Variants in CSMD1 observed in about 807,000 individuals in gnomAD.
CSMD1 encodes CUB and Sushi multiple domains 1.
A neutral mutation model predicts 417.5 loss-of-function variants in CSMD1; 213 were observed. That is an observed-to-expected ratio of 0.51 (90% confidence interval 0.46 to 0.57). The LOEUF (loss-of-function observed/expected upper bound fraction) is 0.57, where lower values mean the gene tolerates loss of function less well. CSMD1 is among the 20% of genes least tolerant of loss of function. CSMD1 has a pLI of 0.00. For synonymous variants in CSMD1, 2,862 were observed against 1,736.8 expected (o/e 1.65, Z -16.11); for missense variants, 6,923 against 4,529.7 (o/e 1.53, Z -15.17).
intron 3 of CSMD1, among the ~76,000 whole-genome samples, chr8:4,170,169 G>C (rs947661442): frequency 1.3e-5 from 2 of 151,794 alleles, no homozygotes; most frequent in Admixed American, 6.6e-5. Context: ...GTTGATAAGA[G>C]TGAAGGACCT....
At chr8:4,212,911 C>T (rs1164886370) in intron 3 of CSMD1, among the ~76,000 whole-genome samples, 2 of 152,152 alleles carry the variant, frequency 1.3e-5, no homozygotes, top group African/African-American at 2.4e-5. Flanking sequence ...GGAAAGAAGA[C>T]ACTTCTTCTC....
At chr8:3,046,845 G>A (rs564762897) in intron 50 of CSMD1, among the ~76,000 whole-genome samples, 1 of 152,286 alleles carries the variant, frequency 6.6e-6, no homozygotes, top group South Asian at 2.1e-4. Context: ...ACTAAGATAA[G>A]GAACATAATA....
intron 54 of CSMD1, among the ~76,000 whole-genome samples, chr8:2,983,808 T>C (rs2128941568): frequency 6.6e-6 from 1 of 152,320 alleles, no homozygotes; most frequent in East Asian, 1.9e-4. Flanking sequence ...TTATGTGTGT[T>C]GATTTTGAAA....
intron 2 of CSMD1, among the ~76,000 whole-genome samples, chr8:4,532,349 A>G (rs1007151210): frequency 2.6e-5 from 4 of 151,326 alleles, no homozygotes; most frequent in Non-Finnish European, 4.4e-5. Context: ...TCTGAAAGAG[A>G]AATCCTGCAC....
intron 5 of CSMD1, among the ~76,000 whole-genome samples, chr8:3,975,115 C>G (rs905620085): frequency 1.3e-5 from 2 of 152,114 alleles, no homozygotes; most frequent in East Asian, 1.9e-4. Context: ...AACTTGAAAA[C>G]CACTATGCAT....
intron 3 of CSMD1, among the ~76,000 whole-genome samples, chr8:4,293,307 G>C (rs1223758908): frequency 6.6e-6 from 1 of 152,128 alleles, no homozygotes; most frequent in Non-Finnish European, 1.5e-5. Context: ...CCAGCACAAT[G>C]AGAAACTGAC....
intron 10 of CSMD1, among the ~76,000 whole-genome samples, chr8:3,534,442 C>G (rs939620111): frequency 1.3e-5 from 2 of 149,566 alleles, no homozygotes; most frequent in African/African-American, 2.5e-5. Context: ...AAGTGCCTAT[C>G]AGCATGTGAG....
intron 5 of CSMD1, among the ~76,000 whole-genome samples, chr8:3,920,193 C>G (rs917036922): frequency 1.5e-4 from 23 of 152,044 alleles, no homozygotes; most frequent in African/African-American, 4.1e-4. Flanking sequence ...GCCAGCATAT[C>G]TGGCTAACTT....
chr8:3,972,166 G>C (rs1226969701), intron 5 of CSMD1, among the ~76,000 whole-genome samples: 1 of 152,006 alleles, frequency 6.6e-6, no homozygotes, highest in Non-Finnish European at 1.5e-5. Flanking sequence ...CCCTGTGCCT[G>C]GCCCTTCTAA....
At chr8:4,741,456 A>T (rs1244071840) in intron 1 of CSMD1, among the ~76,000 whole-genome samples, 1 of 152,220 alleles carries the variant, frequency 6.6e-6, no homozygotes, top group Non-Finnish European at 1.5e-5. Flanking sequence ...TGAAATATGT[A>T]ATATTTATGT....
At chr8:3,294,042 ACAGT>A (rs1803777031) in intron 25 of CSMD1, among the ~76,000 whole-genome samples, 1 of 152,154 alleles carries the variant, frequency 6.6e-6, no homozygotes, top group South Asian at 2.1e-4. Context: ...TTTCCTTCTA[ACAGT>A]CAGGACCCTC....
At position 4,532,804 on chromosome 8, in the gene CSMD1, G is replaced by A. The variant is rs62479748; in HGVS notation, c.302+104538C>T. Among the ~76,000 whole-genome samples the A allele has an allele frequency of 4.6e-5, 6 of 130,068 alleles. 1 individual carries two copies. Among genetic ancestry groups the A allele is most frequent in the Non-Finnish European group, 7.8e-5 (5 of 63,786 alleles). The allele number at this position is 130,068 out of a possible 152,430, so 85.3% of individuals were successfully genotyped here. A position where few individuals can be genotyped will look rare whatever the true frequency, so the allele number is the denominator to read the frequency against. On this transcript the variant is annotated intron_variant, in intron 2 of 69. Transcript: ENST00000635120. ...TCGTGCACCCCCAATCAGTCACTCC[G>A]GAAGAGAAATCCTGCACCCGCATTC...
At chr8:3,580,839 A>G (rs1800351935) in intron 9 of CSMD1, among the ~76,000 whole-genome samples, 1 of 152,220 alleles carries the variant, frequency 6.6e-6, no homozygotes, top group Non-Finnish European at 1.5e-5. Context: ...ACTCTTTAAA[A>G]GGTCATTTCT....
chr8:4,094,327 G>A (rs943312447), intron 3 of CSMD1, among the ~76,000 whole-genome samples: 1 of 152,134 alleles, frequency 6.6e-6, no homozygotes, highest in East Asian at 1.9e-4. Context: ...TAGGAACCCA[G>A]GCCAGAGGTG....
chr8:4,502,576 G>A (rs1184466567), intron 2 of CSMD1, among the ~76,000 whole-genome samples: 1 of 152,086 alleles, frequency 6.6e-6, no homozygotes, highest in Non-Finnish European at 1.5e-5. Flanking sequence ...CAAAAAACTT[G>A]TTTAACCATT....
intron 10 of CSMD1, among the ~76,000 whole-genome samples, chr8:3,525,608 C>A (rs764260510): frequency 1.3e-5 from 2 of 152,116 alleles, no homozygotes; most frequent in Non-Finnish European, 2.9e-5. Flanking sequence ...AGGAGGGCAT[C>A]GTATCTTCAA....
intron 2 of CSMD1, among the ~76,000 whole-genome samples, chr8:4,608,298 G>A (rs1800989859): frequency 6.6e-6 from 1 of 152,202 alleles, no homozygotes. Context: ...AGGCCCAAGG[G>A]CAAAGTGGGG....
At position 3,574,951 on chromosome 8, in the gene CSMD1, C is replaced by T. The variant is rs367932189; in HGVS notation, c.1338G>A (p.Pro446=). 2.7e-5 allele frequency: 43 copies of T among 1,611,976 alleles called. No homozygotes were observed. In the East Asian group the frequency reaches 5.6e-4, roughly 21 times the overall value. Residue 446 remains proline (P), a synonymous_variant, in exon 10 of 70, where the codon CCG becomes CCA. Coordinates refer to ENST00000635120, the MANE Select transcript of CSMD1 (RefSeq NM_033225.6). ...GTTGGAGGCGGAGCCTTACCTTGTC[C>T]GGGTCGGTGGTGGTGATGACCCACA... is the stretch of plus-strand genomic sequence containing the variant. ...HCVWVITTTD[P]DKVIKLAFEE...
Position 4,458,616 on chromosome 8 carries a change from A to C in CSMD1, c.303-38551T>G, listed in dbSNP as rs1799626900. On this transcript the variant is annotated intron_variant, in intron 2 of 69. Coordinates refer to ENST00000635120, the MANE Select transcript of CSMD1 (RefSeq NM_033225.6). ...AAAAAAAAGAAAAATCATCACCCAC[A>C]CCTCAGCAGCAAAATCAATGAGAAT... 2.0e-5 allele frequency among the ~76,000 whole-genome samples: 3 copies of C among 152,292 alleles called. No individual in the cohort carries two copies. The South Asian group carries it at 6.2e-4, about 32-fold the overall frequency.
Sources: allele counts gnomAD v4.1 joint callset (sites outside exome capture counted in the v4.1 genomes callset), GRCh38; gene constraint gnomAD v4.1.1; transcripts MANE v1.5; gene names NCBI Gene and HGNC (gene_info 2026-07-23, HGNC 2026-07-21).